Variants in PCP4 observed in about 807,000 individuals in gnomAD.
The protein encoded by PCP4 is Purkinje cell protein 4, also known as calmodulin regulator protein PCP4.
In PCP4, 8 loss-of-function variants were observed where a neutral mutation model predicts 10.0. The observed-to-expected ratio is 0.80, with a 90% CI of 0.47 to 1.45. The LOEUF is 1.45. Ranked by LOEUF, PCP4 falls within the 40% of genes most tolerant of loss-of-function variation. PCP4 has a pLI of 0.00. For missense variants in PCP4, 54 were observed against 74.4 expected (o/e 0.73, Z 1.01); for synonymous variants, 21 against 23.0 (o/e 0.91, Z 0.24).
intron 2 of PCP4, among the ~76,000 whole-genome samples, chr21:39,920,545 A>G (rs1450246339): frequency 6.6e-6 from 1 of 152,070 alleles, no homozygotes; most frequent in African/African-American, 2.4e-5. Context: ...TCCTCCAATG[A>G]TCTAACCATG....
At chr21:39,887,899 TG>T (rs567104840) in intron 1 of PCP4, among the ~76,000 whole-genome samples, 139 of 152,352 alleles carry the variant, frequency 9.1e-4, no homozygotes, top group African/African-American at 3.1e-3. Flanking sequence ...TCCTGCATTT[TG>T]TGTCTCTGCT....
intron 1 of PCP4, among the ~76,000 whole-genome samples, chr21:39,884,559 G>A (rs1899954265): frequency 6.6e-6 from 1 of 152,054 alleles, no homozygotes; most frequent in Admixed American, 6.5e-5. Context: ...CACTCTGGGA[G>A]GCTGAGGCAG....
At chr21:39,910,587 G>A (rs2087534913) in intron 2 of PCP4, among the ~76,000 whole-genome samples, 1 of 152,198 alleles carries the variant, frequency 6.6e-6, no homozygotes, top group Admixed American at 6.5e-5. Context: ...TGGGGAAAGT[G>A]CTTTGAAGGT....
intron 1 of PCP4, among the ~76,000 whole-genome samples, chr21:39,880,507 A>G (rs1239456965): frequency 6.6e-6 from 1 of 152,094 alleles, no homozygotes; most frequent in Non-Finnish European, 1.5e-5. Context: ...GTATACGTGT[A>G]TATGTTTAAA....
rs574487841 is a variant in PCP4 at position 39,884,184 on chromosome 21, T to A, written c.10-14292T>A. Among the ~76,000 whole-genome samples the A allele has an allele frequency of 2.6e-5, 4 of 152,168 alleles. No individual in the cohort carries two copies. The East Asian group carries it at 7.8e-4, about 30-fold the overall frequency. The stretch of plus-strand genomic sequence containing the variant: ...AGTTTTGACATATGCAGTCTTTTTT[T>A]TTTTTCTTTTGAGAGATGGAATTTC... On this transcript the variant is annotated intron_variant, in intron 1 of 2. Coordinates refer to ENST00000328619, the MANE Select transcript of PCP4 (RefSeq NM_006198.3).
chr21:39,880,102 ATATC>A (rs144709102), intron 1 of PCP4, among the ~76,000 whole-genome samples: 1,974 of 148,260 alleles, frequency 0.013, 51 homozygotes, highest in African/African-American at 0.048. Flanking sequence ...GGAGATATCT[ATATC>A]TATCTATATC....
intron 1 of PCP4, among the ~76,000 whole-genome samples, chr21:39,875,413 C>T (rs964659500): frequency 6.6e-6 from 1 of 152,132 alleles, no homozygotes; most frequent in African/African-American, 2.4e-5. Context: ...CACAAGTCTG[C>T]CCATGTCCAA....
rs1347302729 is a variant in PCP4 at position 39,929,243 on chromosome 21, A to G, written c.*132A>G. On this transcript the variant is annotated 3_prime_UTR_variant, in exon 3 of 3. Coordinates refer to ENST00000328619, the MANE Select transcript of PCP4 (RefSeq NM_006198.3). ...CACACGCATAGCAAACCTCCAATGC[A>G]TGTACAGAAACCTGTGATATTTATA... The G allele has an allele frequency of 7.9e-6, 6 of 759,014 alleles. No homozygotes were observed. The highest frequency in any genetic ancestry group is 1.3e-5 in the Non-Finnish European group (6 of 479,704). 47.0% of individuals were successfully genotyped at this position (759,014 alleles called of 1,614,324 possible).
At chr21:39,925,920 C>T (rs117128880) in intron 2 of PCP4, 6,968 of 406,454 alleles carry the variant, frequency 0.017, 92 homozygotes, top group Non-Finnish European at 0.023. Context: ...TTACTCTCCT[C>T]CCCTACCTTT....
chr21:39,888,917 T>C (rs1377722942), intron 1 of PCP4, among the ~76,000 whole-genome samples: 1 of 152,240 alleles, frequency 6.6e-6, no homozygotes. Flanking sequence ...ATTTCTACGT[T>C]TCACTTTAAA....
intron 1 of PCP4, among the ~76,000 whole-genome samples, chr21:39,896,007 G>A (rs1343016402): frequency 1.3e-5 from 2 of 152,058 alleles, no homozygotes; most frequent in African/African-American, 4.8e-5. Context: ...CTTCACCTAC[G>A]ACATAAATCA....
intron 2 of PCP4, among the ~76,000 whole-genome samples, chr21:39,923,855 G>A (rs369108975): frequency 1.1e-4 from 16 of 152,242 alleles, no homozygotes; most frequent in Admixed American, 2.0e-4. Context: ...CTAGGAGGGC[G>A]TGGTGTGTGC....
intron 2 of PCP4, among the ~76,000 whole-genome samples, chr21:39,915,451 T>TAG (rs1555850227): frequency 1.3e-5 from 2 of 152,330 alleles, no homozygotes; most frequent in Admixed American, 1.3e-4. Flanking sequence ...CACACACGTG[T>TAG]AGAAGATGAG....
rs1370855611 is a variant in PCP4 at position 39,906,646 on chromosome 21, CTTTT to C, written c.61+8121_61+8124del. Among the ~76,000 whole-genome samples the C allele has an allele frequency of 6.6e-6, 1 of 150,838 alleles. No individual in the cohort carries two copies. Among genetic ancestry groups the C allele is most frequent in the Non-Finnish European group, 1.5e-5 (1 of 67,814 alleles). On this transcript the variant is annotated intron_variant, in intron 2 of 2. Coordinates refer to ENST00000328619, the MANE Select transcript of PCP4 (RefSeq NM_006198.3). The surrounding 1 kb of genome is among the most constrained non-coding windows in gnomAD (Gnocchi z 6.3). ...CCTTTCATCCTTTTCTTCCTTCTTT[CTTTT>C]TGAGATTGAGCAGTGGACAGCTTTA...
chr21:39,891,500 G>C (rs924876063), intron 1 of PCP4, among the ~76,000 whole-genome samples: 1 of 152,210 alleles, frequency 6.6e-6, no homozygotes, highest in African/African-American at 2.4e-5. Flanking sequence ...CCAGCCCTAC[G>C]GGGCTTAGCG....
chr21:39,923,833 G>T (rs981111308), intron 2 of PCP4, among the ~76,000 whole-genome samples: 1 of 152,226 alleles, frequency 6.6e-6, no homozygotes, highest in South Asian at 2.1e-4. Flanking sequence ...CTCTGCAAAG[G>T]CCTCTAGGCC....
At chr21:39,895,504 A>G (rs939327456) in intron 1 of PCP4, among the ~76,000 whole-genome samples, 1 of 152,220 alleles carries the variant, frequency 6.6e-6, no homozygotes, top group Non-Finnish European at 1.5e-5. Context: ...TGCACACAGT[A>G]CTGAGAGATG....
chr21:39,881,296 G>A (rs1164175061), intron 1 of PCP4, among the ~76,000 whole-genome samples: 1 of 152,044 alleles, frequency 6.6e-6, no homozygotes, highest in Non-Finnish European at 1.5e-5. Context: ...CTGAAGCTTG[G>A]GGCACTCACT....
At chr21:39,876,852 A>G (rs562708458) in intron 1 of PCP4, among the ~76,000 whole-genome samples, 1 of 152,222 alleles carries the variant, frequency 6.6e-6, no homozygotes, top group Non-Finnish European at 1.5e-5. Flanking sequence ...TGAACAACCT[A>G]TGCCACTGAA....
Sources: allele counts gnomAD v4.1 joint callset (sites outside exome capture counted in the v4.1 genomes callset), GRCh38; gene constraint gnomAD v4.1.1; non-coding constraint Gnocchi (gnomAD v3.1); transcripts MANE v1.5; gene names NCBI Gene and HGNC (gene_info 2026-07-23, HGNC 2026-07-21).